Variants in WASF3 observed in about 807,000 individuals in gnomAD.
WASF3 encodes WASP family member 3, also known as actin-binding protein WASF3.
A neutral mutation model predicts 46.6 loss-of-function variants in WASF3; 11 were observed. That is an observed-to-expected ratio of 0.24 (90% CI 0.15 to 0.39). WASF3 has a LOEUF of 0.39. WASF3 is among the 10% of genes least tolerant of loss of function. WASF3 has a pLI of 1.00. For missense variants in WASF3, 576 were observed against 669.8 expected, an observed-to-expected ratio of 0.86 and a Z score of 1.55; for synonymous variants, 242 against 259.7, an observed-to-expected ratio of 0.93 and a Z score of 0.65.
chr13:26,576,229 A>C (rs1182738421), intron 1 of WASF3, among the ~76,000 whole-genome samples: 2 of 151,836 alleles, frequency 1.3e-5, no homozygotes, highest in East Asian at 3.9e-4. Flanking sequence ...TTTCATTTGA[A>C]TCTATTATTC....
chr13:26,622,550 T>C (rs1270131297), intron 2 of WASF3: 1 of 152,236 alleles, frequency 6.6e-6, no homozygotes, highest in Non-Finnish European at 1.5e-5. Context: ...CAGAATAGTC[T>C]GCTCTCTTTG....
In WASF3 at chr13:26,658,292, T is replaced by C. The variant is rs187211043; in HGVS notation, c.134-6736T>C. On this transcript the variant is annotated intron_variant, in intron 3 of 9. Coordinates refer to ENST00000335327, the MANE Select transcript of WASF3 (RefSeq NM_006646.6). Reference sequence around the variant, plus strand: ...GAATGGTCAAGCAGAAACACAATAATTGGTTTCATTTTGTGACTATGTCAG... The same window carrying C: ...GAATGGTCAAGCAGAAACACAATAACTGGTTTCATTTTGTGACTATGTCAG... Among the ~76,000 whole-genome samples the C allele has an allele frequency of 1.7e-3, 254 of 152,252 alleles. 2 individuals carry two copies. Among genetic ancestry groups the C allele is most frequent in the Non-Finnish European group, 3.1e-3 (211 of 68,014 alleles).
intron 1 of WASF3, among the ~76,000 whole-genome samples, chr13:26,559,808 CTTTTTTTTTTTTTTT>C (rs770616922): frequency 1.4e-5 from 1 of 73,434 alleles, no homozygotes; most frequent in Admixed American, 2.0e-4. Flanking sequence ...TTCTTTCTTT[CTTTTTTTTTTTTTTT>C]TTTTTTTTTT....
intron 3 of WASF3, among the ~76,000 whole-genome samples, chr13:26,650,581 T>C (rs983044463): frequency 2.0e-5 from 3 of 152,204 alleles, no homozygotes; most frequent in African/African-American, 7.2e-5. Context: ...CAGGGACTGA[T>C]AGGTAATGTC....
At position 26,575,744 on chromosome 13, in the gene WASF3, G is replaced by A. The variant is rs1394690571; in HGVS notation, c.-109+17925G>A. The stretch of plus-strand genomic sequence containing the variant: ...TTATTTTTAGTATTTATTTATTTGA[G>A]ACAGGTTCTAGAATGATTTTCTACT... On this transcript the variant is annotated intron_variant, in intron 1 of 9. Coordinates refer to ENST00000335327, the MANE Select transcript of WASF3 (RefSeq NM_006646.6). 4.6e-5 allele frequency among the ~76,000 whole-genome samples: 7 copies of A among 152,076 alleles called. No individual in the cohort carries two copies. In the East Asian group the frequency reaches 1.3e-3, roughly 29 times the overall value.
intron 4 of WASF3, among the ~76,000 whole-genome samples, chr13:26,667,272 G>A (rs184624816): frequency 9.2e-5 from 14 of 151,878 alleles, no homozygotes; most frequent in African/African-American, 3.4e-4. Context: ...CTAGTATTAG[G>A]TTCAGTGAAA....
chr13:26,648,097 TTACA>T (rs1882204513), intron 3 of WASF3, among the ~76,000 whole-genome samples: 1 of 152,170 alleles, frequency 6.6e-6, no homozygotes, highest in African/African-American at 2.4e-5. Context: ...CTCAAAATAA[TTACA>T]TACATCTCTG....
intron 1 of WASF3, among the ~76,000 whole-genome samples, chr13:26,563,654 CAAAAAA>C (rs34374716): frequency 4.3e-5 from 2 of 47,034 alleles, no homozygotes; most frequent in Non-Finnish European, 3.8e-5. Flanking sequence ...GACTCCATCT[CAAAAAA>C]AAAAAAAAAA....
At chr13:26,662,513 G>A (rs898891463) in intron 3 of WASF3, among the ~76,000 whole-genome samples, 1 of 152,214 alleles carries the variant, frequency 6.6e-6, no homozygotes, top group Non-Finnish European at 1.5e-5. Context: ...GGATGCAGCT[G>A]GAGGCCATTA....
the WASF3 span, among the ~76,000 whole-genome samples, chr13:26,549,760 A>G: frequency 6.6e-6 from 1 of 152,248 alleles, no homozygotes; most frequent in African/African-American, 2.4e-5. Flanking sequence ...AGGAAAAGCC[A>G]TTGCATAAAT....
intron 1 of WASF3, among the ~76,000 whole-genome samples, chr13:26,582,242 T>C (rs1355112912): frequency 6.6e-6 from 1 of 152,184 alleles, no homozygotes; most frequent in Non-Finnish European, 1.5e-5. Flanking sequence ...CTCTGTTGCC[T>C]CTAAGACCTG....
At chr13:26,636,510 G>T (rs1881825882) in intron 2 of WASF3, among the ~76,000 whole-genome samples, 1 of 152,246 alleles carries the variant, frequency 6.6e-6, no homozygotes, top group African/African-American at 2.4e-5. Flanking sequence ...CCCTCCATGG[G>T]CTGCACCCAC....
At chr13:26,577,631 G>GT in intron 1 of WASF3, 6 of 1,197,150 alleles carry the variant, frequency 5.0e-6, no homozygotes, top group Non-Finnish European at 7.3e-6. Context: ...AGGTGCTAAA[G>GT]TTGAATGAGC....
At chr13:26,675,425 T>A (rs1883034291) in intron 6 of WASF3, among the ~76,000 whole-genome samples, 1 of 151,166 alleles carries the variant, frequency 6.6e-6, no homozygotes, top group Non-Finnish European at 1.5e-5. Context: ...GTCAATACAC[T>A]TTCAATACTC....
At chr13:26,681,347 TC>T (rs1285495362) in intron 8 of WASF3, 27 bp downstream of exon 8, 2 of 1,539,482 alleles carry the variant, frequency 1.3e-6, no homozygotes, top group Non-Finnish European at 1.7e-6. Context: ...TGTACCCTAA[TC>T]CCTCCTGGCC....
At position 26,557,709 on chromosome 13, in the gene WASF3, C is replaced by A; in HGVS notation, c.-219C>A. The A allele has an allele frequency of 5.7e-6, 1 of 176,488 alleles. No homozygotes were observed. The highest frequency in any genetic ancestry group is 1.8e-4 in the South Asian group (1 of 5,576). The allele number at this position is 176,488 out of a possible 1,614,324, so 10.9% of individuals were successfully genotyped here. ...TGGACGGGCCGGAGGCGGCGTCGCTCGCGCCGCTGCGTGCGGTGTGGTGCG... is the reference window on the plus strand; with the variant it reads ...TGGACGGGCCGGAGGCGGCGTCGCTAGCGCCGCTGCGTGCGGTGTGGTGCG... On this transcript the variant is annotated 5_prime_UTR_variant, in exon 1 of 10. Coordinates refer to ENST00000335327, the MANE Select transcript of WASF3 (RefSeq NM_006646.6).
intron 1 of WASF3, among the ~76,000 whole-genome samples, chr13:26,606,324 GT>G (rs1880797048): frequency 1.2e-4 from 1 of 8,202 alleles, no homozygotes. Context: ...TTTTTTTCGT[GT>G]GTGTGTGTGT....
Position 26,559,808 on chromosome 13 carries a change from CTTTTTTTTTT to C in WASF3, c.-109+2006_-109+2015del, listed in dbSNP as rs770616922. 9.3e-4 allele frequency among the ~76,000 whole-genome samples: 68 copies of C among 73,362 alleles called. 2 individuals carry two copies. The highest frequency in any genetic ancestry group is 4.4e-3 in the East Asian group (10 of 2,254). 48.1% of individuals were successfully genotyped at this position (73,362 alleles called of 152,430 possible). Reference sequence around the variant, plus strand: ...TTTTCTTTTCTTTCTTTCTTTCTTTCTTTTTTTTTTTTTTTTTTTTTTTTTTGAGACGGAG... The same window carrying C: ...TTTTCTTTTCTTTCTTTCTTTCTTTCTTTTTTTTTTTTTTTTGAGACGGAG... On this transcript the variant is annotated intron_variant, in intron 1 of 9. Coordinates refer to ENST00000335327, the MANE Select transcript of WASF3 (RefSeq NM_006646.6).
At chr13:26,573,032 A>T (rs1272391057) in intron 1 of WASF3, among the ~76,000 whole-genome samples, 2 of 152,266 alleles carry the variant, frequency 1.3e-5, no homozygotes, top group South Asian at 2.1e-4. Flanking sequence ...TTTCATGTTT[A>T]AAAAAATTGA....
Sources: gnomAD v4.1 joint callset for allele counts (sites outside exome capture counted in the v4.1 genomes callset) on GRCh38, gnomAD v4.1.1 for gene constraint, MANE v1.5 for transcripts, NCBI Gene and HGNC (gene_info 2026-07-23, HGNC 2026-07-21) for gene names.